PRH1: variants seen among roughly 807,000 people sequenced by gnomAD.
PRH1 encodes proline rich protein HaeIII subfamily 1.
PRH1 carries 7 observed loss-of-function variants against 7.9 expected under a neutral mutation model. The observed-to-expected ratio is 0.89, with a 90% confidence interval of 0.50 to 1.67. The LOEUF is 1.67. PRH1 is among the 40% of genes most tolerant of loss of function. PRH1 has a pLI of 0.00. For missense variants in PRH1, 109 were observed against 223.6 expected, an observed-to-expected ratio of 0.49 and a Z score of 3.27; for synonymous variants, 45 against 80.8, an observed-to-expected ratio of 0.56 and a Z score of 2.38.
rs373856012 is a variant in PRH1, at chr12:10,884,244, C to T, written c.-27G>A. ...TTGCAGGAGGCTCTGGTGTCACTCC[C>T]AACTTTGTGCTGGGAGAAACGTGTC... is the stretch of plus-strand genomic sequence containing the variant. On this transcript the variant is annotated 5_prime_UTR_variant, in exon 1 of 4. Transcript: ENST00000543626. The T allele has an allele frequency of 1.2e-6, 2 of 1,614,158 alleles. No individual in the cohort carries two copies. The highest frequency in any genetic ancestry group is 1.7e-6 in the Non-Finnish European group (2 of 1,179,984).
chr12:11,070,437 CCA>C (rs1292089627), intron 1 of PRH1, among the ~76,000 whole-genome samples: 72 of 144,046 alleles, frequency 5.0e-4, no homozygotes, highest in Non-Finnish European at 7.0e-4. Flanking sequence ...ACACAAGACC[CCA>C]GAAGTATACC....
chr12:11,094,063 C>A (rs1161400240), intron 1 of PRH1, among the ~76,000 whole-genome samples: 1 of 112,266 alleles, frequency 8.9e-6, no homozygotes, highest in Non-Finnish European at 2.1e-5. Context: ...CCAGTGCAGG[C>A]AAGGCTGAGG....
At chr12:11,003,561 G>T (rs1440772994) in intron 1 of PRH1, among the ~76,000 whole-genome samples, 1 of 151,316 alleles carries the variant, frequency 6.6e-6, no homozygotes, top group Non-Finnish European at 1.5e-5. Context: ...TAAATTATAA[G>T]AATTTATTTC....
At chr12:10,986,377 T>C in intron 1 of PRH1, 1 of 1,614,038 alleles carries the variant, frequency 6.2e-7, no homozygotes, top group East Asian at 2.2e-5. Context: ...TTCCCAGTCA[T>C]GTTTCCTTCA....
At chr12:11,074,056 C>A (rs371720504) in intron 1 of PRH1, among the ~76,000 whole-genome samples, 32,580 of 94,526 alleles carry the variant, frequency 0.34, 7,372 homozygotes, top group Middle Eastern at 0.45. Context: ...ATATTGGACA[C>A]AAACATGTGC....
At chr12:11,055,719 CCT>C (rs752319189) in intron 1 of PRH1, among the ~76,000 whole-genome samples, 5 of 152,186 alleles carry the variant, frequency 3.3e-5, no homozygotes, top group Non-Finnish European at 1.5e-5. Context: ...CCTTGTTTAA[CCT>C]CTCTATAATT....
intron 1 of PRH1, among the ~76,000 whole-genome samples, chr12:11,026,569 A>T (rs914197856): frequency 6.6e-6 from 1 of 152,050 alleles, no homozygotes. Context: ...ATAAAATATA[A>T]TAACCGCATT....
chr12:10,979,150 A>G (rs535229035), intron 1 of PRH1, among the ~76,000 whole-genome samples: 1 of 152,176 alleles, frequency 6.6e-6, no homozygotes, highest in Non-Finnish European at 1.5e-5. Context: ...CCTATCAGGT[A>G]CTCTGCTTAT....
At chr12:10,930,781 C>T (rs772564853) in intron 2 of PRH1, 3 of 1,609,696 alleles carry the variant, frequency 1.9e-6, no homozygotes, top group East Asian at 2.2e-5. Context: ...GCAGGGACCA[C>T]CCCAACAAGG....
chr12:10,907,735 T>G (rs1400896426), intron 2 of PRH1, among the ~76,000 whole-genome samples: 1 of 152,184 alleles, frequency 6.6e-6, no homozygotes, highest in Non-Finnish European at 1.5e-5. Flanking sequence ...AAATGTGGAC[T>G]AACATGTTGC....
chr12:10,920,225 C>A (rs1020948691), intron 2 of PRH1, among the ~76,000 whole-genome samples: 1 of 147,044 alleles, frequency 6.8e-6, no homozygotes, highest in Non-Finnish European at 1.5e-5. Context: ...ACTGGATACC[C>A]CTACCTTAAT....
At chr12:11,021,718 T>C in intron 1 of PRH1, 2 of 1,614,052 alleles carry the variant, frequency 1.2e-6, no homozygotes, top group Non-Finnish European at 1.7e-6. Context: ...CTGTTTTAGC[T>C]TCCTACTTCC....
intron 2 of PRH1, among the ~76,000 whole-genome samples, chr12:10,924,915 C>T (rs1950103979): frequency 1.3e-5 from 2 of 151,994 alleles, no homozygotes; most frequent in South Asian, 2.1e-4. Flanking sequence ...AGTCTTGCTA[C>T]TGGTCTATCA....
At chr12:11,023,688 T>C (rs952078356) in intron 1 of PRH1, among the ~76,000 whole-genome samples, 1 of 152,222 alleles carries the variant, frequency 6.6e-6, no homozygotes, top group African/African-American at 2.4e-5. Context: ...ATCATCTGGC[T>C]AGCACACTGT....
downstream of PRH1, among the ~76,000 whole-genome samples, chr12:11,117,802 A>G (rs889543712): frequency 1.8e-4 from 28 of 152,242 alleles, no homozygotes; most frequent in African/African-American, 6.8e-4. Context: ...AAAGATGCCA[A>G]GAACGTACAC....
At chr12:11,149,482 T>C (rs1946990709) in intron 1 of PRH1, among the ~76,000 whole-genome samples, 1 of 151,452 alleles carries the variant, frequency 6.6e-6, no homozygotes, top group Admixed American at 6.6e-5. Flanking sequence ...TATAGATCAA[T>C]GGAACAGAAC....
chr12:10,942,576 CCT>C (rs1032493251), intron 2 of PRH1, among the ~76,000 whole-genome samples: 8 of 152,188 alleles, frequency 5.3e-5, no homozygotes, highest in African/African-American at 1.9e-4. Flanking sequence ...CCAATGGCAC[CCT>C]GTCTGTTTCC....
At chr12:11,058,827 T>C (rs149540511) in intron 1 of PRH1, among the ~76,000 whole-genome samples, 24 of 152,276 alleles carry the variant, frequency 1.6e-4, no homozygotes, top group African/African-American at 5.3e-4. Context: ...ACTGTGCAAG[T>C]CATATGCTCA....
At chr12:10,965,512 G>T (rs1250670940) in intron 2 of PRH1, among the ~76,000 whole-genome samples, 1 of 152,182 alleles carries the variant, frequency 6.6e-6, no homozygotes, top group African/African-American at 2.4e-5. Flanking sequence ...CAAGAAAGTA[G>T]CAGTTTATGC....
Sources: gnomAD v4.1 joint callset for allele counts (sites outside exome capture counted in the v4.1 genomes callset) on GRCh38, gnomAD v4.1.1 for gene constraint, MANE v1.5 for transcripts, NCBI Gene and HGNC (gene_info 2026-07-23, HGNC 2026-07-21) for gene names.